Variants in SLC39A11 observed in about 807,000 individuals in gnomAD.
The protein encoded by SLC39A11 is zinc transporter ZIP11.
Under a neutral mutation model 36.1 loss-of-function variants are expected in SLC39A11, and 33 were observed. The observed-to-expected ratio is 0.91, with a 90% CI of 0.69 to 1.22. SLC39A11 has a LOEUF of 1.22. Ranked by LOEUF, SLC39A11 falls within the 50% of genes most tolerant of loss-of-function variation. The pLI is 0.00. For missense variants in SLC39A11, 432 were observed against 430.3 expected (o/e 1.00, Z -0.03); for synonymous variants, 166 against 170.3 (o/e 0.97, Z 0.20).
chr17:72,914,193 G>A (rs2083204067), intron 5 of SLC39A11, among the ~76,000 whole-genome samples: 1 of 151,892 alleles, frequency 6.6e-6, no homozygotes, highest in Non-Finnish European at 1.5e-5. Context: ...GCGGGCACCT[G>A]TAGTCCCAGC....
intron 5 of SLC39A11, among the ~76,000 whole-genome samples, chr17:72,918,353 G>A (rs2083448771): frequency 6.6e-6 from 1 of 152,202 alleles, no homozygotes; most frequent in Non-Finnish European, 1.5e-5. Flanking sequence ...AGGTTGCAGT[G>A]AGCCAAGATC....
At chr17:72,718,793 A>G (rs1023627327) in intron 7 of SLC39A11, among the ~76,000 whole-genome samples, 1 of 152,212 alleles carries the variant, frequency 6.6e-6, no homozygotes, top group Admixed American at 6.5e-5. Flanking sequence ...CATGATTGCT[A>G]GAGGCTGGCA....
chr17:72,837,537 A>C (rs2078614874), intron 6 of SLC39A11, among the ~76,000 whole-genome samples: 1 of 152,210 alleles, frequency 6.6e-6, no homozygotes, highest in African/African-American at 2.4e-5. Context: ...TGACCCAGCA[A>C]TTCTACTCCA....
At chr17:72,817,047 GA>G (rs2077605743) in intron 6 of SLC39A11, among the ~76,000 whole-genome samples, 1 of 152,134 alleles carries the variant, frequency 6.6e-6, no homozygotes, top group African/African-American at 2.4e-5. Context: ...TCTTTCCCTA[GA>G]AAGTGTTAAA....
chr17:73,051,368 G>A (rs10468447), intron 3 of SLC39A11, among the ~76,000 whole-genome samples: 2 of 152,010 alleles, frequency 1.3e-5, no homozygotes, highest in Non-Finnish European at 2.9e-5. Context: ...ACCTGTGAAG[G>A]TCACATTCAC....
chr17:72,783,078 A>C (rs1323363122), intron 6 of SLC39A11, among the ~76,000 whole-genome samples: 1 of 151,428 alleles, frequency 6.6e-6, no homozygotes, highest in African/African-American at 2.4e-5. Flanking sequence ...GATTCTCACC[A>C]GAAAGCAGAT....
At chr17:72,875,542 C>A (rs2080857122) in intron 5 of SLC39A11, among the ~76,000 whole-genome samples, 1 of 152,206 alleles carries the variant, frequency 6.6e-6, no homozygotes, top group Admixed American at 6.5e-5. Flanking sequence ...AATGCTCCAA[C>A]AATCTGTCCA....
chr17:73,007,282 G>A (rs1355685209), intron 4 of SLC39A11, among the ~76,000 whole-genome samples: 3 of 152,156 alleles, frequency 2.0e-5, no homozygotes, highest in East Asian at 1.9e-4. Context: ...TTAGCCAGGC[G>A]TGGTGGCACA....
intron 5 of SLC39A11, among the ~76,000 whole-genome samples, chr17:72,893,191 G>A (rs899454584): frequency 8.5e-5 from 13 of 152,176 alleles, no homozygotes; most frequent in East Asian, 3.9e-4. Context: ...GGGCCGGGGC[G>A]GTGATTCACG....
rs375325860 is a variant in SLC39A11, at chr17:72,951,678, T to C, written c.307-3803A>G. Among the ~76,000 whole-genome samples, 88 of 152,272 alleles carry C rather than the reference T, an allele frequency of 5.8e-4. 1 individual carries two copies. In the East Asian group the frequency reaches 0.015, roughly 25 times the overall value. The stretch of plus-strand genomic sequence containing the variant: ...ATTCACAGCCATCCAAAACATTGCC[T>C]GGCACAAACCAGAACCTAGCCCATA... On this transcript the variant is annotated intron_variant, in intron 4 of 9. Coordinates refer to ENST00000255559, the MANE Select transcript of SLC39A11 (RefSeq NM_139177.4).
intron 3 of SLC39A11, among the ~76,000 whole-genome samples, chr17:73,045,126 G>A (rs1270533848): frequency 6.6e-6 from 1 of 151,842 alleles, no homozygotes; most frequent in Non-Finnish European, 1.5e-5. Context: ...CCTCTCTGGG[G>A]TAGCCTTGGG....
chr17:72,838,314 G>A lies in SLC39A11; in HGVS notation c.601+11320C>T, dbSNP rs1567797997. 2.0e-5 allele frequency among the ~76,000 whole-genome samples: 3 copies of A among 149,264 alleles called. No individual in the cohort carries two copies. In the Admixed American group the frequency reaches 2.0e-4, roughly 10 times the overall value. On this transcript the variant is annotated intron_variant, in intron 6 of 9. Transcript: ENST00000255559. ...CACAACCACGGCTCACTGCAGCCTT[G>A]ACCTCCAGGGTTCAAGCAATCCTCC...
At chr17:72,791,209 C>G (rs1339685184) in intron 6 of SLC39A11, among the ~76,000 whole-genome samples, 1 of 152,234 alleles carries the variant, frequency 6.6e-6, no homozygotes, top group Non-Finnish European at 1.5e-5. Flanking sequence ...ATTCCCAACA[C>G]TTCGGGAGGC....
chr17:72,810,179 T>C (rs911964306), intron 6 of SLC39A11, among the ~76,000 whole-genome samples: 1 of 151,972 alleles, frequency 6.6e-6, no homozygotes, highest in African/African-American at 2.4e-5. Flanking sequence ...AATTCTCAAA[T>C]AGTACTTACT....
intron 7 of SLC39A11, among the ~76,000 whole-genome samples, chr17:72,735,584 A>G (rs2074392996): frequency 6.6e-6 from 1 of 152,178 alleles, no homozygotes; most frequent in South Asian, 2.1e-4. Context: ...ATAACTGTGA[A>G]TTCAAGTACC....
intron 6 of SLC39A11, among the ~76,000 whole-genome samples, chr17:72,788,250 G>A (rs1024481230): frequency 6.6e-6 from 1 of 152,294 alleles, no homozygotes; most frequent in Non-Finnish European, 1.5e-5. Context: ...TGGCCTCTCT[G>A]CTATGCATCC....
intron 4 of SLC39A11, among the ~76,000 whole-genome samples, chr17:72,953,566 A>G (rs1416920221): frequency 6.6e-6 from 1 of 152,174 alleles, no homozygotes; most frequent in Middle Eastern, 3.2e-3. Flanking sequence ...GAGCCCCCCA[A>G]AAGAAACAAG....
chr17:72,790,456 T>A (rs1178668111), intron 6 of SLC39A11, among the ~76,000 whole-genome samples: 1 of 152,170 alleles, frequency 6.6e-6, no homozygotes, highest in Non-Finnish European at 1.5e-5. Context: ...TGGACAGACC[T>A]GAAGCGCTGC....
chr17:72,749,971 G>C (rs980542434), intron 6 of SLC39A11, among the ~76,000 whole-genome samples: 15 of 152,154 alleles, frequency 9.9e-5, no homozygotes, highest in African/African-American at 3.6e-4. Context: ...CGCACAAAGA[G>C]ACACAGGCTC....
Sources: allele counts gnomAD v4.1 joint callset (sites outside exome capture counted in the v4.1 genomes callset), GRCh38; gene constraint gnomAD v4.1.1; transcripts MANE v1.5; gene names NCBI Gene and HGNC (gene_info 2026-07-23, HGNC 2026-07-21).